ARHGAP19: variants seen among roughly 807,000 people sequenced by gnomAD.
ARHGAP19 encodes Rho GTPase activating protein 19, also known as rho GTPase-activating protein 19.
ARHGAP19 carries 48 observed loss-of-function variants against 60.9 expected under a neutral mutation model. That is an observed-to-expected ratio of 0.79 (90% CI 0.62 to 1.00). The LOEUF is 1.00. Among genes scored for constraint, ARHGAP19 ranks in the 50% least tolerant of loss-of-function variants. The pLI is 0.00. For missense variants in ARHGAP19, 562 were observed against 597.2 expected (o/e 0.94, Z 0.61); for synonymous variants, 209 against 215.5 (o/e 0.97, Z 0.27).
chr10:97,267,572 A>C (rs965560995), intron 1 of ARHGAP19, among the ~76,000 whole-genome samples: 7 of 152,134 alleles, frequency 4.6e-5, no homozygotes, highest in Admixed American at 1.3e-4. Context: ...GAGGTTCTCC[A>C]TGAGAGCTCC....
At chr10:97,253,511 G>T (rs966881838) in intron 6 of ARHGAP19, among the ~76,000 whole-genome samples, 1 of 152,122 alleles carries the variant, frequency 6.6e-6, no homozygotes, top group Non-Finnish European at 1.5e-5. Flanking sequence ...TGAGAGTAAA[G>T]ATCGGTTGGT....
At position 97,269,977 on chromosome 10, in the gene ARHGAP19, C is replaced by T. The variant is rs1326389531; in HGVS notation, c.57-3852G>A. Among the ~76,000 whole-genome samples, 3 of 152,258 alleles carry T rather than the reference C, an allele frequency of 2.0e-5. No individual in the cohort carries two copies. The East Asian group carries it at 5.8e-4, about 29-fold the overall frequency. ...GAAAGAAACTAGAAGCAACATGTAT[C>T]GTTTTTCAATAGAATCCTTCCTACT... On this transcript the variant is annotated intron_variant, in intron 1 of 11. Transcript: ENST00000358531.
chr10:97,228,823 G>A (rs1850948159), intron 11 of ARHGAP19, among the ~76,000 whole-genome samples: 1 of 152,156 alleles, frequency 6.6e-6, no homozygotes, highest in Non-Finnish European at 1.5e-5. Context: ...TGTTGAACTT[G>A]GTTTCACAAA....
chr10:97,257,944 G>A (rs1444160651), intron 5 of ARHGAP19, among the ~76,000 whole-genome samples: 1 of 152,080 alleles, frequency 6.6e-6, no homozygotes, highest in Non-Finnish European at 1.5e-5. Context: ...CTCACTTAAG[G>A]CATCAATAGG....
intron 8 of ARHGAP19, 98 bp downstream of exon 8, chr10:97,243,870 C>A (rs1016844833): frequency 1.6e-6 from 2 of 1,261,090 alleles, no homozygotes; most frequent in Non-Finnish European, 1.1e-6. Context: ...CTCAGCTGAA[C>A]CAAAAATTAA....
At chr10:97,260,934 TAAAA>T (rs757386929) in intron 4 of ARHGAP19, among the ~76,000 whole-genome samples, 2 of 107,596 alleles carry the variant, frequency 1.9e-5, no homozygotes, top group Admixed American at 1.0e-4. Flanking sequence ...TCTCTATATT[TAAAA>T]AAAAAAAAAA....
rs1185464916 is a variant in ARHGAP19, at chr10:97,229,856, G to C, written c.1303C>G (p.Gln435Glu). The C allele has an allele frequency of 5.0e-6, 8 of 1,610,248 alleles. No homozygotes were observed. The highest frequency in any genetic ancestry group is 4.0e-5 in the African/African-American group (3 of 74,684). The change falls in exon 10 of 12, where the codon CAG (glutamine) becomes GAG (glutamate). Residue 435 changes from glutamine (Q) to glutamate (E), a missense_variant. Gln to Glu is a conservative substitution (Grantham distance 29). Coordinates refer to ENST00000358531, the MANE Select transcript of ARHGAP19 (RefSeq NM_032900.6). ...TTCTTTTTCTTTTCTGACATCATCTGATTTCCCAGGACCTTCCGCTGATTT... is the reference window on the plus strand; with the variant it reads ...TTCTTTTTCTTTTCTGACATCATCTCATTTCCCAGGACCTTCCGCTGATTT... ...GLIKRKVLGN[Q>E]MMSEKKKKNP...
intron 1 of ARHGAP19, among the ~76,000 whole-genome samples, chr10:97,289,640 C>A (rs904891678): frequency 2.0e-5 from 3 of 151,838 alleles, no homozygotes; most frequent in Non-Finnish European, 4.4e-5. Flanking sequence ...CTCAAGACCA[C>A]CCTGGGCAAC....
intron 6 of ARHGAP19, among the ~76,000 whole-genome samples, chr10:97,252,943 T>C (rs1372795721): frequency 6.6e-6 from 1 of 152,082 alleles, no homozygotes; most frequent in East Asian, 1.9e-4. Flanking sequence ...AAATGTGGCG[T>C]ATATACACAA....
intron 9 of ARHGAP19, among the ~76,000 whole-genome samples, chr10:97,230,889 A>G (rs547983717): frequency 3.3e-5 from 5 of 152,084 alleles, no homozygotes; most frequent in Non-Finnish European, 5.9e-5. Context: ...AACATGGTGA[A>G]ATACTGTCTC....
intron 1 of ARHGAP19, among the ~76,000 whole-genome samples, chr10:97,289,870 A>AGAAAGAAAG (rs1314108105): frequency 6.6e-6 from 1 of 151,782 alleles, no homozygotes; most frequent in Non-Finnish European, 1.5e-5. Context: ...AAAAAAAGAA[A>AGAAAGAAAG]GAAAGAAAGA....
At chr10:97,242,896 C>T (rs998453470) in intron 8 of ARHGAP19, among the ~76,000 whole-genome samples, 1 of 151,952 alleles carries the variant, frequency 6.6e-6, no homozygotes, top group East Asian at 1.9e-4. Flanking sequence ...GTGATCCACC[C>T]GCCTAGGCCT....
At chr10:97,271,831 T>A (rs977152977) in intron 1 of ARHGAP19, among the ~76,000 whole-genome samples, 1 of 151,942 alleles carries the variant, frequency 6.6e-6, no homozygotes, top group Admixed American at 6.6e-5. Flanking sequence ...TGTATTGGTG[T>A]TTAATTTTAT....
chr10:97,227,859 A>C (rs1279929452), intron 11 of ARHGAP19, among the ~76,000 whole-genome samples: 1 of 152,260 alleles, frequency 6.6e-6, no homozygotes, highest in Non-Finnish European at 1.5e-5. Context: ...TTGGTGAAAT[A>C]TTAGACTGGT....
chr10:97,251,356 A>G (rs1289747085), intron 6 of ARHGAP19, among the ~76,000 whole-genome samples: 3 of 20,350 alleles, frequency 1.5e-4, no homozygotes, highest in Admixed American at 4.9e-4. Context: ...GAGGGAAAGG[A>G]AAGGGGAAAG....
chr10:97,234,953 ACT>A (rs1851102080), intron 9 of ARHGAP19, among the ~76,000 whole-genome samples: 1 of 152,122 alleles, frequency 6.6e-6, no homozygotes, highest in Admixed American at 6.5e-5. Flanking sequence ...AGGAATGCAG[ACT>A]CTGTCCTTAG....
At chr10:97,292,488 G>A in intron 1 of ARHGAP19, 84 bp downstream of exon 1, 1 of 1,506,438 alleles carries the variant, frequency 6.6e-7, no homozygotes, top group Non-Finnish European at 9.2e-7. Flanking sequence ...CCCGAACCGT[G>A]CGCCTCCGTG....
At chr10:97,280,369 A>G (rs998634788) in intron 1 of ARHGAP19, among the ~76,000 whole-genome samples, 1 of 152,106 alleles carries the variant, frequency 6.6e-6, no homozygotes, top group African/African-American at 2.4e-5. Flanking sequence ...AGATCACACC[A>G]CTGCACTCCA....
chr10:97,252,324 C>CAA lies in ARHGAP19; in HGVS notation c.927+3992_927+3993dup, dbSNP rs35769409. The stretch of plus-strand genomic sequence containing the variant: ...CCTGGGTGACAGAATGAGACTGTCT[C>CAA]AAAAAAAAAAAAAATAGCCCGGGCG... On this transcript the variant is annotated intron_variant, in intron 6 of 11. Transcript: ENST00000358531. Among the ~76,000 whole-genome samples, 272 of 133,812 alleles carry CAA rather than the reference C, an allele frequency of 2.0e-3. 1 individual carries two copies. Among genetic ancestry groups the CAA allele is most frequent in the South Asian group, 7.9e-3 (33 of 4,154 alleles). 87.8% of individuals were successfully genotyped at this position (133,812 alleles called of 152,430 possible). A position where few individuals can be genotyped will look rare whatever the true frequency, so the allele number is the denominator to read the frequency against.
Sources: allele counts gnomAD v4.1 joint callset (sites outside exome capture counted in the v4.1 genomes callset), GRCh38; gene constraint gnomAD v4.1.1; transcripts MANE v1.5; gene names NCBI Gene and HGNC (gene_info 2026-07-23, HGNC 2026-07-21).